The following ARMH4 variants were observed in gnomAD, a reference collection of about 807,000 sequenced individuals.
The protein encoded by ARMH4 is armadillo like helical domain containing 4, also known as armadillo-like helical domain-containing protein 4.
In ARMH4, 49 loss-of-function variants were observed where a neutral mutation model predicts 61.9. The observed-to-expected ratio is 0.79, with a 90% CI of 0.63 to 1.00. The LOEUF is 1.00. Among genes scored for constraint, ARMH4 ranks in the 50% least tolerant of loss-of-function variants. The pLI is 0.00. For missense variants in ARMH4, 934 were observed against 930.0 expected (o/e 1.00, Z -0.06); for synonymous variants, 368 against 341.5 (o/e 1.08, Z -0.85).
At chr14:58,106,394 A>G (rs1886167191) in intron 4 of ARMH4, among the ~76,000 whole-genome samples, 1 of 152,262 alleles carries the variant, frequency 6.6e-6, no homozygotes, top group Non-Finnish European at 1.5e-5. Flanking sequence ...GGACTGGGAC[A>G]TGGTTCAATT....
intron 5 of ARMH4, among the ~76,000 whole-genome samples, chr14:58,087,665 A>T (rs1281761511): frequency 6.6e-6 from 1 of 152,192 alleles, no homozygotes; most frequent in Non-Finnish European, 1.5e-5. Flanking sequence ...CTGAAGCTTC[A>T]GTGCTGTCTG....
At chr14:58,041,532 T>G (rs1027551443) in intron 5 of ARMH4, among the ~76,000 whole-genome samples, 14 of 152,124 alleles carry the variant, frequency 9.2e-5, no homozygotes, top group South Asian at 4.2e-4. Flanking sequence ...AGAAACTGCA[T>G]CAACTAACAA....
At chr14:58,084,621 C>T (rs1413312190) in intron 5 of ARMH4, among the ~76,000 whole-genome samples, 3 of 152,180 alleles carry the variant, frequency 2.0e-5, no homozygotes, top group Non-Finnish European at 4.4e-5. Flanking sequence ...TCAAGAGAAG[C>T]AGCTCAAAAA....
intron 1 of ARMH4, among the ~76,000 whole-genome samples, chr14:58,145,818 TA>T (rs540276530): frequency 9.8e-4 from 149 of 152,296 alleles, no homozygotes; most frequent in African/African-American, 2.8e-3. Context: ...CTCTCCCCAC[TA>T]TCGAAAGCAA....
intron 5 of ARMH4, among the ~76,000 whole-genome samples, chr14:58,067,674 T>C (rs923754543): frequency 3.3e-5 from 5 of 152,238 alleles, no homozygotes; most frequent in African/African-American, 1.2e-4. Context: ...CAGGGTTATA[T>C]AGTTTATCCA....
rs535122912 is a variant in ARMH4, at chr14:58,128,422, T to C, written c.1831+3090A>G. Among the ~76,000 whole-genome samples the C allele has an allele frequency of 4.6e-5, 7 of 152,368 alleles. No individual in the cohort carries two copies. In the East Asian group the frequency reaches 9.6e-4, roughly 21 times the overall value. On this transcript the variant is annotated intron_variant, in intron 4 of 7. Transcript: ENST00000267485. Reference sequence around the variant, plus strand: ...AAAAAGAACATGTTTGTTATGTTTGTATTTCAAAGCTGCTAAATACAGCCC... The same window carrying C: ...AAAAAGAACATGTTTGTTATGTTTGCATTTCAAAGCTGCTAAATACAGCCC...
At chr14:58,071,258 A>G (rs375793300) in intron 5 of ARMH4, among the ~76,000 whole-genome samples, 1 of 152,012 alleles carries the variant, frequency 6.6e-6, no homozygotes, top group African/African-American at 2.4e-5. Flanking sequence ...TCATCAGAAC[A>G]CATTTCTGCT....
chr14:58,033,294 C>T (rs1165019140), intron 5 of ARMH4, among the ~76,000 whole-genome samples: 1 of 111,488 alleles, frequency 9.0e-6, no homozygotes, highest in Non-Finnish European at 2.0e-5. Context: ...CAGGGGCACA[C>T]TGACACCTCA....
In ARMH4 at chr14:58,065,397, G is replaced by A. The variant is rs115023306; in HGVS notation, c.2089+31327C>T. 5.5e-3 allele frequency among the ~76,000 whole-genome samples: 842 copies of A among 152,290 alleles called. 8 individuals are homozygous for A. Among genetic ancestry groups the A allele is most frequent in the African/African-American group, 0.018 (745 of 41,558 alleles). Reference sequence around the variant, plus strand: ...ATCATAATTATTTATCATATTCCTCGAAGAACCTCACTGATTTCCAGTTTC... The same window carrying A: ...ATCATAATTATTTATCATATTCCTCAAAGAACCTCACTGATTTCCAGTTTC... On this transcript the variant is annotated intron_variant, in intron 5 of 7. Transcript: ENST00000267485.
At chr14:58,118,255 G>A (rs1034304237) in intron 4 of ARMH4, among the ~76,000 whole-genome samples, 1 of 152,160 alleles carries the variant, frequency 6.6e-6, no homozygotes, top group African/African-American at 2.4e-5. Context: ...TTCTTGTGTG[G>A]TGAGAACAGT....
At chr14:58,050,647 GT>G (rs537393364) in intron 5 of ARMH4, among the ~76,000 whole-genome samples, 68 of 146,290 alleles carry the variant, frequency 4.6e-4, no homozygotes, top group East Asian at 1.2e-3. Context: ...ATTGCTCTTG[GT>G]TTTTTTTTTT....
intron 6 of ARMH4, among the ~76,000 whole-genome samples, chr14:58,009,876 C>T (rs559375216): frequency 1.4e-5 from 2 of 147,658 alleles, no homozygotes; most frequent in South Asian, 4.3e-4. Context: ...AAGCCATTGT[C>T]ATTGGGGGTG....
At chr14:58,144,448 G>C (rs942554555) in intron 1 of ARMH4, among the ~76,000 whole-genome samples, 1 of 152,186 alleles carries the variant, frequency 6.6e-6, no homozygotes, top group African/African-American at 2.4e-5. Context: ...AGGAGGCTGA[G>C]GTGGGAGAAT....
At chr14:58,008,173 T>C (rs1882254802) in intron 6 of ARMH4, among the ~76,000 whole-genome samples, 1 of 152,202 alleles carries the variant, frequency 6.6e-6, no homozygotes, top group African/African-American at 2.4e-5. Flanking sequence ...AAAGTATATA[T>C]TCATTCTTAG....
intron 5 of ARMH4, among the ~76,000 whole-genome samples, chr14:58,058,436 A>G (rs1451326768): frequency 6.6e-6 from 1 of 152,056 alleles, no homozygotes; most frequent in Non-Finnish European, 1.5e-5. Flanking sequence ...GGCTATTTTT[A>G]TGTTTATTTC....
chr14:58,088,478 C>A (rs1885451700), intron 5 of ARMH4, among the ~76,000 whole-genome samples: 1 of 151,588 alleles, frequency 6.6e-6, no homozygotes, highest in Admixed American at 6.6e-5. Flanking sequence ...AAGAGGTCTG[C>A]ACCCAAGTCT....
intron 5 of ARMH4, among the ~76,000 whole-genome samples, chr14:58,096,489 G>A (rs946790795): frequency 1.3e-5 from 2 of 152,068 alleles, no homozygotes; most frequent in African/African-American, 4.8e-5. Context: ...GGCTACTTAA[G>A]GGCATAAATA....
At chr14:58,082,370 C>T (rs1039795571) in intron 5 of ARMH4, among the ~76,000 whole-genome samples, 14 of 152,232 alleles carry the variant, frequency 9.2e-5, no homozygotes, top group Admixed American at 7.9e-4. Context: ...ATCTGCCTAA[C>T]CTTCAAGGCC....
chr14:58,017,528 CATT>C lies in ARMH4; in HGVS notation c.2090-5381_2090-5379del, dbSNP rs202213887. ...AAAACAGAAATCAAGAAAACAATTC[CATT>C]CACAATAGCTACAAAAAAAATACTC... On this transcript the variant is annotated intron_variant, in intron 5 of 7. Transcript: ENST00000267485. Among the ~76,000 whole-genome samples, 923 of 152,092 alleles carry C rather than the reference CATT, an allele frequency of 6.1e-3. 36 individuals carry two copies. Among genetic ancestry groups the C allele is most frequent in the Admixed American group, 0.051 (778 of 15,266 alleles).
Sources: allele counts gnomAD v4.1 joint callset (sites outside exome capture counted in the v4.1 genomes callset), GRCh38; gene constraint gnomAD v4.1.1; transcripts MANE v1.5; gene names NCBI Gene and HGNC (gene_info 2026-07-23, HGNC 2026-07-21).